Variants in URGCP observed in about 807,000 individuals in gnomAD.
The protein encoded by URGCP is up-regulator of cell proliferation.
In URGCP, 13 loss-of-function variants were observed where a neutral mutation model predicts 24.6. The observed-to-expected ratio is 0.53, with a 90% CI of 0.34 to 0.84. URGCP has a LOEUF of 0.84. Among genes scored for constraint, URGCP ranks in the 40% least tolerant of loss-of-function variants. The pLI, the probability that URGCP is intolerant of heterozygous loss-of-function variation, is 0.01. For missense variants in URGCP, 899 were observed against 1,194.3 expected (o/e 0.75, Z 3.64); for synonymous variants, 444 against 487.2 (o/e 0.91, Z 1.17).
chr7:43,910,006 G>A (rs2095908243), upstream of URGCP, among the ~76,000 whole-genome samples: 1 of 152,226 alleles, frequency 6.6e-6, no homozygotes, highest in Non-Finnish European at 1.5e-5. Context: ...TCGTGCCATT[G>A]CACTCCAGCC....
chr7:43,912,919 C>T (rs951546973), intron 1 of URGCP, among the ~76,000 whole-genome samples: 2 of 151,874 alleles, frequency 1.3e-5, no homozygotes, highest in Admixed American at 6.6e-5. Flanking sequence ...GGCATGATCT[C>T]AGCTCACTGC....
chr7:43,919,156 T>C, intron 1 of URGCP: 1 of 869,004 alleles, frequency 1.2e-6, no homozygotes, highest in South Asian at 1.3e-5. Flanking sequence ...TCCTACCTCT[T>C]AGAATGGCTG....
intron 1 of URGCP, among the ~76,000 whole-genome samples, chr7:43,914,147 C>A (rs1008163350): frequency 2.0e-5 from 3 of 152,172 alleles, no homozygotes; most frequent in Non-Finnish European, 2.9e-5. Context: ...GTGCTTGCCA[C>A]CACACCTGGC....
chr7:43,886,622 G>A (rs1022694617), intron 3 of URGCP, among the ~76,000 whole-genome samples: 19 of 152,136 alleles, frequency 1.2e-4, no homozygotes, highest in African/African-American at 9.6e-5. Context: ...GCATGGTGGC[G>A]CATGCCTGTA....
Position 43,913,384 on chromosome 7 carries a change from T to A in URGCP, c.-116+12748A>T, listed in dbSNP as rs185038739. On this transcript the variant is annotated intron_variant, in intron 1 of 5. Coordinates refer to the URGCP transcript ENST00000426198. ...CCACCACTCCCGGCTATTTTTTTTT[T>A]TTATTTTTTATTTTTAGTAGAGACG... 1.4e-3 allele frequency among the ~76,000 whole-genome samples: 211 copies of A among 151,766 alleles called. 2 individuals carry two copies. The East Asian group carries it at 0.026, about 18-fold the overall frequency.
chr7:43,878,545 C>T lies in URGCP; in HGVS notation c.918G>A (p.Glu306=). The T allele has an allele frequency of 1.9e-6, 3 of 1,614,234 alleles. No homozygotes were observed. Among genetic ancestry groups the T allele is most frequent in the Non-Finnish European group, 1.7e-6 (2 of 1,180,050 alleles). Residue 306 remains glutamate (E), a synonymous_variant, in exon 6 of 6, where the codon GAG becomes GAA. Coordinates refer to ENST00000453200, the MANE Select transcript of URGCP (RefSeq NM_001077663.3). This position sits in a 1 kb window ranked among gnomAD's most constrained non-coding sequence, Gnocchi z 5.6. ...RDLNLGTNAR[E]ISDGLVEISW... ...AAATTTCTACCAACCCATCCGAAAT[C>T]TCCCGGGCATTGGTGCCCAAGTTGA... is the stretch of plus-strand genomic sequence containing the variant.
At chr7:43,915,099 C>A (rs1236361803) in intron 1 of URGCP, among the ~76,000 whole-genome samples, 1 of 152,178 alleles carries the variant, frequency 6.6e-6, no homozygotes, top group East Asian at 1.9e-4. Context: ...GAGGTGGGAG[C>A]CTGTTGGCAG....
intron 1 of URGCP, chr7:43,905,489 T>C (rs1398270794): frequency 2.0e-5 from 3 of 152,260 alleles, no homozygotes; most frequent in Non-Finnish European, 4.4e-5. Context: ...TTCAGCTTGC[T>C]TCATTCAGGC....
At chr7:43,925,780 G>A (rs1427270610) in intron 1 of URGCP, among the ~76,000 whole-genome samples, 1 of 142,528 alleles carries the variant, frequency 7.0e-6, no homozygotes, top group Non-Finnish European at 1.5e-5. Flanking sequence ...GATTATAGGC[G>A]TGAGCCACCT....
intron 1 of URGCP, among the ~76,000 whole-genome samples, chr7:43,889,967 T>C (rs540929089): frequency 3.9e-5 from 6 of 152,040 alleles, no homozygotes; most frequent in South Asian, 2.1e-4. Context: ...TGCAGTGGTG[T>C]GATCTTGGCT....
intron 1 of URGCP, chr7:43,906,253 CCGCGCCCCGGGCACCTCCGGGCCT>C (rs2095902201): frequency 6.4e-6 from 1 of 156,138 alleles, no homozygotes; most frequent in Non-Finnish European, 1.4e-5. Flanking sequence ...CTCGCTCCCG[CCGCGCCCCGGGCACCTCCGGGCCT>C]CGCGCCCTCC....
intron 1 of URGCP, among the ~76,000 whole-genome samples, chr7:43,901,268 G>A (rs2095890177): frequency 6.6e-6 from 1 of 152,212 alleles, no homozygotes; most frequent in African/African-American, 2.4e-5. Context: ...CTGAGCTGGG[G>A]TGGGCTCTTC....
intron 1 of URGCP, among the ~76,000 whole-genome samples, chr7:43,899,688 C>T (rs995093261): frequency 3.3e-5 from 5 of 152,170 alleles, no homozygotes; most frequent in African/African-American, 1.2e-4. Flanking sequence ...CATCACTGAT[C>T]TAGGTCGCTT....
chr7:43,925,552 T>C (rs189746726), intron 1 of URGCP, among the ~76,000 whole-genome samples: 27 of 152,198 alleles, frequency 1.8e-4, no homozygotes, highest in Admixed American at 1.4e-3. Context: ...CAGGCTGGAG[T>C]GCAACAGTGT....
At chr7:43,900,759 T>C (rs928550155) in intron 1 of URGCP, among the ~76,000 whole-genome samples, 18 of 152,210 alleles carry the variant, frequency 1.2e-4, no homozygotes, top group Non-Finnish European at 2.1e-4. Flanking sequence ...CATTAAATCC[T>C]TTAAAGGAAG....
At chr7:43,908,554 A>G (rs1265772250), upstream of URGCP, among the ~76,000 whole-genome samples, 3 of 152,198 alleles carry the variant, frequency 2.0e-5, no homozygotes, top group Non-Finnish European at 4.4e-5. Context: ...TTATCTGCTT[A>G]AAGTCCAGAC....
chr7:43,926,407 A>G (rs2095930529), exon 1 of URGCP: 1 of 815,312 alleles, frequency 1.2e-6, no homozygotes, highest in Non-Finnish European at 1.6e-6. Flanking sequence ...CGACGGCCCC[A>G]CAGTGCCCCG....
Position 43,887,459 on chromosome 7 carries a change from G to A in URGCP, c.68C>T (p.Pro23Leu), listed in dbSNP as rs771733074. ...TCGTCTCTCTGATGCTTTTATTTCT[G>A]GGGCTACTTCTCCCAAATCTGAATG... is the stretch of plus-strand genomic sequence containing the variant. ...KGHSDLGEVAPEIKASERRTA... is the reference protein window; with the variant it reads ...KGHSDLGEVALEIKASERRTA... The change falls in exon 3 of 6, where the codon CCA (proline) becomes CTA (leucine). Residue 23 changes from proline (P) to leucine (L), a missense_variant. Coordinates refer to ENST00000453200, the MANE Select transcript of URGCP (RefSeq NM_001077663.3). The A allele has an allele frequency of 6.2e-7, 1 of 1,613,652 alleles. No homozygotes were observed. The highest frequency in any genetic ancestry group is 1.1e-5 in the South Asian group (1 of 91,044).
At chr7:43,923,052 C>T (rs1554293540) in intron 1 of URGCP, among the ~76,000 whole-genome samples, 2 of 151,806 alleles carry the variant, frequency 1.3e-5, no homozygotes, top group African/African-American at 2.4e-5. Flanking sequence ...GGTACAATCT[C>T]GGCTCATTGC....
Sources: gnomAD v4.1 joint callset for allele counts (sites outside exome capture counted in the v4.1 genomes callset) on GRCh38, gnomAD v4.1.1 for gene constraint, Gnocchi (gnomAD v3.1) non-coding constraint, MANE v1.5 for transcripts, NCBI Gene and HGNC (gene_info 2026-07-23, HGNC 2026-07-21) for gene names.